Variants in KCNQ1OT1 observed in about 807,000 individuals in gnomAD.
The protein encoded by KCNQ1OT1 is KCNQ1 opposite strand/antisense transcript 1.
rs1849258865 is a variant in KCNQ1OT1 at position 2,626,151 on chromosome 11, A to C, written n.73844T>G. Reference sequence around the variant, plus strand: ...TACAAGAAGCACTGCCAATGATGTAAAGTTTTTCCCCTATGTTTCCTTATA... The same window carrying C: ...TACAAGAAGCACTGCCAATGATGTACAGTTTTTCCCCTATGTTTCCTTATA... On this transcript the variant is annotated non_coding_transcript_exon_variant, in exon 1 of 1. Coordinates refer to ENST00000597346, the Ensembl canonical transcript of KCNQ1OT1. This position sits in a 1 kb window ranked among gnomAD's most constrained non-coding sequence, Gnocchi z 4.0. 3 of 397,476 alleles carry C rather than the reference A, an allele frequency of 7.5e-6. No individual in the cohort carries two copies. The highest frequency in any genetic ancestry group is 1.3e-5 in the Non-Finnish European group (3 of 226,058). The allele number at this position is 397,476 out of a possible 1,614,324, so 24.6% of individuals were successfully genotyped here. A position where few individuals can be genotyped will look rare whatever the true frequency, so the allele number is the denominator to read the frequency against.
exon 1 of KCNQ1OT1, chr11:2,694,068 C>G: frequency 2.5e-6 from 1 of 398,692 alleles, no homozygotes. Flanking sequence ...GCAGCTGACA[C>G]GTAGTTCCAA....
rs1040296046 is a variant in KCNQ1OT1 at position 2,657,608 on chromosome 11, T to A, written n.42387A>T. On this transcript the variant is annotated non_coding_transcript_exon_variant, in exon 1 of 1. Coordinates refer to ENST00000597346, the Ensembl canonical transcript of KCNQ1OT1. The surrounding 1 kb of genome is among the most constrained non-coding windows in gnomAD (Gnocchi z 4.8). ...GGTACATTGACCAAAACTAAAAAAT[T>A]AACATTGGTACACTATTAAGCTAGA... 2.5e-6 allele frequency: 1 copy of A among 398,628 alleles called. No homozygotes were observed. The highest frequency in any genetic ancestry group is 4.4e-6 in the Non-Finnish European group (1 of 226,060). 24.7% of individuals were successfully genotyped at this position (398,628 alleles called of 1,614,324 possible).
exon 1 of KCNQ1OT1, chr11:2,666,467 TC>T (rs1850069670): frequency 5.0e-6 from 2 of 398,714 alleles, no homozygotes; most frequent in Non-Finnish European, 8.8e-6. Flanking sequence ...CCCTGCAGAA[TC>T]TCACGCCAAG....
exon 1 of KCNQ1OT1, chr11:2,665,840 G>C (rs546841805): frequency 2.5e-6 from 1 of 398,768 alleles, no homozygotes; most frequent in South Asian, 1.3e-4. Flanking sequence ...GAGGCACAGG[G>C]CTAGGGGCCT....
At chr11:2,699,681 A>T in exon 1 of KCNQ1OT1, 1 of 341,420 alleles carries the variant, frequency 2.9e-6, no homozygotes. Context: ...ACCGCGCCGA[A>T]AAGCCCCGGG....
exon 1 of KCNQ1OT1, chr11:2,616,425 CTCTT>C (rs1849065336): frequency 2.5e-6 from 1 of 397,770 alleles, no homozygotes; most frequent in Admixed American, 4.4e-5. Context: ...ATTTCATTCT[CTCTT>C]TTAACTTTAG....
exon 1 of KCNQ1OT1, chr11:2,666,401 A>G (rs1017248285): frequency 2.3e-5 from 9 of 398,564 alleles, no homozygotes; most frequent in Non-Finnish European, 3.5e-5. Context: ...ATCCTTGAGC[A>G]AAAACAGCCC....
At position 2,642,720 on chromosome 11, in the gene KCNQ1OT1, G is replaced by A. The variant is rs967015007; in HGVS notation, n.57275C>T. 1 of 397,570 alleles carries A rather than the reference G, an allele frequency of 2.5e-6. No homozygotes were observed. The highest frequency in any genetic ancestry group is 1.3e-4 in the South Asian group (1 of 7,840). The allele number at this position is 397,570 out of a possible 1,614,324, so 24.6% of individuals were successfully genotyped here. A position where few individuals can be genotyped will look rare whatever the true frequency, so the allele number is the denominator to read the frequency against. On this transcript the variant is annotated non_coding_transcript_exon_variant, in exon 1 of 1. Coordinates refer to ENST00000597346, the Ensembl canonical transcript of KCNQ1OT1. The surrounding 1 kb of genome is among the most constrained non-coding windows in gnomAD (Gnocchi z 4.3). ...ACTAATTTTATGTTTAGTATGGTTT[G>A]TTCTTGCTTTTCTGGTTCCTTCAGG...
In KCNQ1OT1 at chr11:2,620,189, G is replaced by T. The variant is rs1039119438; in HGVS notation, n.79806C>A. On this transcript the variant is annotated non_coding_transcript_exon_variant, in exon 1 of 1. Coordinates refer to ENST00000597346, the Ensembl canonical transcript of KCNQ1OT1. This position sits in a 1 kb window ranked among gnomAD's most constrained non-coding sequence, Gnocchi z 4.5. Reference sequence around the variant, plus strand: ...ATCCATGTTGCTGCAAAGGACGTAAGTTCATTCATGTATATATATATATTT... The same window carrying T: ...ATCCATGTTGCTGCAAAGGACGTAATTTCATTCATGTATATATATATATTT... The T allele has an allele frequency of 2.7e-6, 1 of 374,844 alleles. No individual in the cohort carries two copies. The highest frequency in any genetic ancestry group is 4.6e-6 in the Non-Finnish European group (1 of 215,644). The allele number at this position is 374,844 out of a possible 1,614,324, so 23.2% of individuals were successfully genotyped here.
In KCNQ1OT1 at chr11:2,673,280, C is replaced by T; in HGVS notation, n.26715G>A. 2.5e-6 allele frequency: 1 copy of T among 398,734 alleles called. No individual in the cohort carries two copies. The highest frequency in any genetic ancestry group is 4.4e-6 in the Non-Finnish European group (1 of 226,132). 24.7% of individuals were successfully genotyped at this position (398,734 alleles called of 1,614,324 possible). A position where few individuals can be genotyped will look rare whatever the true frequency, so the allele number is the denominator to read the frequency against. On this transcript the variant is annotated non_coding_transcript_exon_variant, in exon 1 of 1. Coordinates refer to ENST00000597346, the Ensembl canonical transcript of KCNQ1OT1. The surrounding 1 kb of genome is among the most constrained non-coding windows in gnomAD (Gnocchi z 4.5). ...CTGCAAAGCCTCAGCCACCTTCTCC[C>T]CTAGAAGAAATCTTGAGAGAAACAA...
rs1460736371 is a variant in KCNQ1OT1 at position 2,651,889 on chromosome 11, T to C, written n.48106A>G. ...AGTAGTGTTCAGGCTGAGGGGGTCA[T>C]AGCCGAGGGTCCCTCTGGGGCCGCT... On this transcript the variant is annotated non_coding_transcript_exon_variant, in exon 1 of 1. Transcript: ENST00000597346. The surrounding 1 kb of genome is among the most constrained non-coding windows in gnomAD (Gnocchi z 6.1). 2 of 398,610 alleles carry C rather than the reference T, an allele frequency of 5.0e-6. No individual in the cohort carries two copies. Among genetic ancestry groups the C allele is most frequent in the Non-Finnish European group, 8.8e-6 (2 of 226,152 alleles). The allele number at this position is 398,610 out of a possible 1,614,324, so 24.7% of individuals were successfully genotyped here.
chr11:2,662,491 C>T lies in KCNQ1OT1; in HGVS notation n.37504G>A, dbSNP rs1849979686. 6.5e-6 allele frequency: 3 copies of T among 464,430 alleles called. No individual in the cohort carries two copies. The Admixed American group carries it at 1.1e-4, about 17-fold the overall frequency. 28.8% of individuals were successfully genotyped at this position (464,430 alleles called of 1,614,324 possible). ...GGGTGCAGTCTGCCAGTTGCTGCTG[C>T]TGTCCTCAGGGGCTCCTTCAGGTGG... On this transcript the variant is annotated non_coding_transcript_exon_variant, in exon 1 of 1. Transcript: ENST00000597346.
At position 2,683,916 on chromosome 11, in the gene KCNQ1OT1, T is replaced by A; in HGVS notation, n.16079A>T. 2.5e-6 allele frequency: 1 copy of A among 397,926 alleles called. No homozygotes were observed. Among genetic ancestry groups the A allele is most frequent in the Non-Finnish European group, 4.4e-6 (1 of 226,004 alleles). 24.6% of individuals were successfully genotyped at this position (397,926 alleles called of 1,614,324 possible). A position where few individuals can be genotyped will look rare whatever the true frequency, so the allele number is the denominator to read the frequency against. ...AAAAGATGGCCAAAGGTGCATGCTC[T>A]GTGACACGTTTCATAGTCAGACAAA... is the stretch of plus-strand genomic sequence containing the variant. On this transcript the variant is annotated non_coding_transcript_exon_variant, in exon 1 of 1. Transcript: ENST00000597346. The surrounding 1 kb of genome is among the most constrained non-coding windows in gnomAD (Gnocchi z 4.7).
rs1204506771 is a variant in KCNQ1OT1, at chr11:2,695,414, T to A, written n.4581A>T. The A allele has an allele frequency of 2.5e-6, 1 of 398,582 alleles. No homozygotes were observed. The highest frequency in any genetic ancestry group is 4.4e-6 in the Non-Finnish European group (1 of 226,126). The allele number at this position is 398,582 out of a possible 1,614,324, so 24.7% of individuals were successfully genotyped here. Reference sequence around the variant, plus strand: ...ATTTTAATTTAAATACACAGTCATGTACTGAGGCCCTCTTTCTGTTTGGCA... The same window carrying A: ...ATTTTAATTTAAATACACAGTCATGAACTGAGGCCCTCTTTCTGTTTGGCA... On this transcript the variant is annotated non_coding_transcript_exon_variant, in exon 1 of 1. Coordinates refer to ENST00000597346, the Ensembl canonical transcript of KCNQ1OT1. This position sits in a 1 kb window ranked among gnomAD's most constrained non-coding sequence, Gnocchi z 5.2.
At chr11:2,646,852 A>T (rs1849673675) in exon 1 of KCNQ1OT1, 1 of 398,588 alleles carries the variant, frequency 2.5e-6, no homozygotes, top group Non-Finnish European at 4.4e-6. Context: ...TTATCCTGCA[A>T]CTTTATTGAA....
At chr11:2,619,329 G>A (rs1181427624) in exon 1 of KCNQ1OT1, 6 of 398,250 alleles carry the variant, frequency 1.5e-5, no homozygotes, top group Non-Finnish European at 2.7e-5. Context: ...AATGGCATTC[G>A]TTATATTGAG....
At chr11:2,643,837 A>T (rs971994944) in exon 1 of KCNQ1OT1, 23 of 398,434 alleles carry the variant, frequency 5.8e-5, no homozygotes, top group African/African-American at 4.5e-4. Context: ...TTTCTCCTTC[A>T]TTTCTGACGA....
exon 1 of KCNQ1OT1, chr11:2,688,904 A>C (rs1286919806): frequency 2.5e-6 from 1 of 398,896 alleles, no homozygotes; most frequent in Non-Finnish European, 4.4e-6. Context: ...AGGTGGGGCT[A>C]GGGCCACCCC....
exon 1 of KCNQ1OT1, chr11:2,616,059 T>G: frequency 2.5e-6 from 1 of 398,196 alleles, no homozygotes; most frequent in Non-Finnish European, 4.4e-6. Context: ...GCTCATAATT[T>G]CAATTTCTGT....
Sources: allele counts gnomAD v4.1 joint callset, GRCh38; gene constraint gnomAD v4.1.1; non-coding constraint Gnocchi (gnomAD v3.1); transcripts MANE v1.5; gene names NCBI Gene and HGNC (gene_info 2026-07-23, HGNC 2026-07-21).